The following CRHBP variants were observed in gnomAD, a reference collection of about 807,000 sequenced individuals.
CRHBP encodes the protein corticotropin releasing hormone binding protein, also known as corticotropin-releasing hormone-binding protein.
In CRHBP, 19 loss-of-function variants were observed where a neutral mutation model predicts 34.9. The ratio of observed to expected loss-of-function variants is 0.55; its 90% CI spans 0.38 to 0.80. CRHBP has a LOEUF of 0.80. CRHBP is among the 30% of genes least tolerant of loss of function. CRHBP has a pLI of 0.00. For synonymous variants in CRHBP, 154 were observed against 153.4 expected, an observed-to-expected ratio of 1.00 and a Z score of -0.03; for missense variants, 328 against 409.2, an observed-to-expected ratio of 0.80 and a Z score of 1.71.
At chr5:76,963,807 A>T (rs1268472833) in intron 6 of CRHBP, among the ~76,000 whole-genome samples, 1 of 152,248 alleles carries the variant, frequency 6.6e-6, no homozygotes. Context: ...TTCAAATAGT[A>T]GATGTATCAT....
rs776550988 is a variant in CRHBP, at chr5:76,955,708, C to G, written c.389C>G (p.Pro130Arg). 6.2e-7 allele frequency: 1 copy of G among 1,614,184 alleles called. No homozygotes were observed. Among genetic ancestry groups the G allele is most frequent in the Non-Finnish European group, 8.5e-7 (1 of 1,180,040 alleles). Residue 130 changes from proline to arginine, a missense_variant, in exon 4 of 7, where the codon CCT becomes CGT. Coordinates refer to ENST00000274368, the MANE Select transcript of CRHBP (RefSeq NM_001882.4). ...GEKFPSSQDHPLPSAERYIDF... is the reference protein window; with the variant it reads ...GEKFPSSQDHRLPSAERYIDF... ...AAGTTCCCCAGTTCCCAGGATCATC[C>G]TCTCCCCTCAGCTGAGCGGTACATA...
intron 4 of CRHBP, 105 bp downstream of exon 4, chr5:76,955,968 A>G: frequency 1.0e-6 from 1 of 1,001,950 alleles, no homozygotes; most frequent in Non-Finnish European, 1.4e-6. Flanking sequence ...AATGATTTGA[A>G]TGGAAATTTT....
chr5:76,975,825 A>AAAAAAAAAAAAATATATAT, intron 2 of CRHBP, among the ~76,000 whole-genome samples: 1 of 61,858 alleles, frequency 1.6e-5, no homozygotes, highest in East Asian at 5.2e-4. Context: ...AAAAAAAAAA[A>AAAAAAAAAAAAATATATAT]ATATATATAT....
In CRHBP at chr5:76,969,025, A is replaced by G; in HGVS notation, c.*140A>G. ...CTTGAGCGCACGCGCGCACACACAC[A>G]CACACATACACACACGCATTAATTT... On this transcript the variant is annotated 3_prime_UTR_variant, in exon 7 of 7. Coordinates refer to ENST00000274368, the MANE Select transcript of CRHBP (RefSeq NM_001882.4). 1.3e-6 allele frequency: 1 copy of G among 763,500 alleles called. No individual in the cohort carries two copies. The highest frequency in any genetic ancestry group is 2.0e-6 in the Non-Finnish European group (1 of 504,936). 47.3% of individuals were successfully genotyped at this position (763,500 alleles called of 1,614,324 possible).
intron 2 of CRHBP, 107 bp from the exon 3 acceptor site, chr5:76,953,922 T>G: frequency 7.3e-7 from 1 of 1,370,554 alleles, no homozygotes; most frequent in African/African-American, 1.5e-5. Context: ...GTCGGGGCGC[T>G]GGGCACTACA....
chr5:76,971,974 G>C (rs1481094893), downstream of CRHBP, among the ~76,000 whole-genome samples: 2 of 152,136 alleles, frequency 1.3e-5, no homozygotes, highest in Non-Finnish European at 2.9e-5. Flanking sequence ...CTGCCTACAT[G>C]TCTAAAATTC....
chr5:76,960,746 G>A (rs1309568310), intron 5 of CRHBP, among the ~76,000 whole-genome samples: 1 of 151,146 alleles, frequency 6.6e-6, no homozygotes, highest in Non-Finnish European at 1.5e-5. Context: ...AGGAATGTAA[G>A]TACTTTTTAT....
chr5:76,963,100 T>TGAAAAAAAC, intron 5 of CRHBP: 2 of 423,614 alleles, frequency 4.7e-6, no homozygotes, highest in Non-Finnish European at 8.4e-6. Flanking sequence ...TTAAAAAAAA[T>TGAAAAAAAC]GAAAAAAACA....
At chr5:76,973,692 T>C (rs1745980189), downstream of CRHBP, among the ~76,000 whole-genome samples, 1 of 152,178 alleles carries the variant, frequency 6.6e-6, no homozygotes, top group Non-Finnish European at 1.5e-5. Context: ...CCAGATGAGT[T>C]TTTCTTCATC....
At chr5:76,962,059 C>A (rs920583581) in intron 5 of CRHBP, among the ~76,000 whole-genome samples, 2 of 152,174 alleles carry the variant, frequency 1.3e-5, no homozygotes, top group Middle Eastern at 3.4e-3. Flanking sequence ...GGTCAGTGCC[C>A]TTCTAAATGC....
rs147081585 is a variant in CRHBP, at chr5:76,969,080, C to G, written c.*195C>G. On this transcript the variant is annotated 3_prime_UTR_variant, in exon 7 of 7. Transcript: ENST00000274368. The stretch of plus-strand genomic sequence containing the variant: ...ACTTTGCTTCTTTTATGTTTGTAAT[C>G]TGTAAATGAACACATGGCAGAAAAT... 3.5e-3 allele frequency: 1,829 copies of G among 519,866 alleles called. 24 individuals carry two copies. Among genetic ancestry groups the G allele is most frequent in the African/African-American group, 0.032 (1,649 of 50,928 alleles). The allele number at this position is 519,866 out of a possible 1,614,324, so 32.2% of individuals were successfully genotyped here. A position where few individuals can be genotyped will look rare whatever the true frequency, so the allele number is the denominator to read the frequency against.
At chr5:76,964,580 G>A (rs934437572) in intron 6 of CRHBP, among the ~76,000 whole-genome samples, 5 of 152,188 alleles carry the variant, frequency 3.3e-5, no homozygotes, top group African/African-American at 9.7e-5. Context: ...TAGGCTAGGC[G>A]CGGTGTCTCA....
chr5:76,958,665 A>C, intron 4 of CRHBP, 76 bp from the exon 5 acceptor site: 1 of 1,492,802 alleles, frequency 6.7e-7, no homozygotes, highest in Non-Finnish European at 9.0e-7. Context: ...GCCCTAGAAT[A>C]AGATACAATA....
At chr5:76,956,863 G>T (rs1369369771) in intron 4 of CRHBP, among the ~76,000 whole-genome samples, 1 of 152,134 alleles carries the variant, frequency 6.6e-6, no homozygotes, top group Non-Finnish European at 1.5e-5. Context: ...ACTTCATGCG[G>T]CTGAAAGATG....
chr5:76,970,209 G>A (rs773661180), downstream of CRHBP, among the ~76,000 whole-genome samples: 2 of 152,086 alleles, frequency 1.3e-5, no homozygotes, highest in African/African-American at 2.4e-5. Context: ...GCCTCCCAAA[G>A]TGCTGGGATT....
rs1024370537 is a variant in CRHBP at position 76,969,014 on chromosome 5, C to T, written c.*129C>T. The T allele has an allele frequency of 9.3e-5, 91 of 977,174 alleles. No homozygotes were observed. In the Admixed American group the frequency reaches 2.0e-3, roughly 22 times the overall value. 60.5% of individuals were successfully genotyped at this position (977,174 alleles called of 1,614,324 possible). On this transcript the variant is annotated 3_prime_UTR_variant, in exon 7 of 7. Transcript: ENST00000274368. ...GTATTCCCAGCCTTGAGCGCACGCG[C>T]GCACACACACACACACATACACACA...
intron 1 of CRHBP, 121 bp from the exon 2 acceptor site, chr5:76,953,480 A>G: frequency 1.8e-6 from 2 of 1,089,474 alleles, no homozygotes; most frequent in Non-Finnish European, 2.8e-6. Flanking sequence ...CGGACACGGG[A>G]AAACATTACC....
chr5:76,968,977 T>C lies in CRHBP; in HGVS notation c.*92T>C. The stretch of plus-strand genomic sequence containing the variant: ...TGATGCACAACTAGTTAAAAGCCTT[T>C]CATACCAGTCAGTATTCCCAGCCTT... On this transcript the variant is annotated 3_prime_UTR_variant, in exon 7 of 7. Transcript: ENST00000274368. The C allele has an allele frequency of 6.9e-7, 1 of 1,440,514 alleles. No individual in the cohort carries two copies. The highest frequency in any genetic ancestry group is 9.5e-7 in the Non-Finnish European group (1 of 1,052,426). 89.2% of individuals were successfully genotyped at this position (1,440,514 alleles called of 1,614,324 possible).
At chr5:76,972,822 T>C (rs1745965879), downstream of CRHBP, among the ~76,000 whole-genome samples, 2 of 152,368 alleles carry the variant, frequency 1.3e-5, no homozygotes, top group African/African-American at 4.8e-5. Flanking sequence ...AGAAATGCTA[T>C]ATGTTCATCA....
Sources: gnomAD v4.1 joint callset for allele counts (sites outside exome capture counted in the v4.1 genomes callset) on GRCh38, gnomAD v4.1.1 for gene constraint, MANE v1.5 for transcripts, NCBI Gene and HGNC (gene_info 2026-07-23, HGNC 2026-07-21) for gene names.